MXI1: variants seen among roughly 807,000 people sequenced by gnomAD.
MXI1 encodes the protein MAX interactor 1, dimerization protein.
In MXI1, 18 loss-of-function variants were observed where a neutral mutation model predicts 36.9. That is an observed-to-expected ratio of 0.49 (90% CI 0.34 to 0.72). The LOEUF is 0.72. Ranked by LOEUF, MXI1 falls within the 30% of genes least tolerant of loss-of-function variation. The pLI, the probability that MXI1 is intolerant of heterozygous loss-of-function variation, is 0.01. For missense variants in MXI1, 304 were observed against 379.1 expected (o/e 0.80, Z 1.64); for synonymous variants, 160 against 146.7 (o/e 1.09, Z -0.65).
chr10:110,257,739 GT>G (rs1233488858), intron 3 of MXI1: 5 of 227,472 alleles, frequency 2.2e-5, no homozygotes, highest in Middle Eastern at 8.5e-4. Context: ...AGGTTTCTGG[GT>G]TCAGCTGAAG....
Position 110,285,701 on chromosome 10 carries a change from G to T in MXI1, c.*714G>T, listed in dbSNP as rs1037193269. 4 of 152,254 alleles carry T rather than the reference G, an allele frequency of 2.6e-5. No individual in the cohort carries two copies. The highest frequency in any genetic ancestry group is 9.7e-5 in the African/African-American group (4 of 41,422). 9.4% of individuals were successfully genotyped at this position (152,254 alleles called of 1,614,324 possible). Reference sequence around the variant, plus strand: ...CACCCAGCTGCCACCTCTCCATCCTGCTGCCCTTAGGCCACATGGGAGCAG... The same window carrying T: ...CACCCAGCTGCCACCTCTCCATCCTTCTGCCCTTAGGCCACATGGGAGCAG... On this transcript the variant is annotated 3_prime_UTR_variant, in exon 6 of 6. Transcript: ENST00000332674.
intron 3 of MXI1, among the ~76,000 whole-genome samples, chr10:110,246,057 C>T (rs934942098): frequency 6.6e-6 from 1 of 152,074 alleles, no homozygotes; most frequent in Admixed American, 6.5e-5. Context: ...CATGGTGGCT[C>T]ATGCTTGTAA....
intron 3 of MXI1, among the ~76,000 whole-genome samples, chr10:110,271,636 A>G (rs1856857102): frequency 6.6e-6 from 1 of 152,170 alleles, no homozygotes; most frequent in African/African-American, 2.4e-5. Context: ...TTGGTTATGG[A>G]AGAGGTTTGC....
At chr10:110,271,995 C>G (rs778776086) in intron 3 of MXI1, among the ~76,000 whole-genome samples, 1 of 152,126 alleles carries the variant, frequency 6.6e-6, no homozygotes, top group Non-Finnish European at 1.5e-5. Flanking sequence ...CTTCTTTTTC[C>G]CTCTCCAAAC....
intron 3 of MXI1, chr10:110,257,474 A>C (rs1485595289): frequency 1.3e-5 from 2 of 151,822 alleles, no homozygotes; most frequent in Non-Finnish European, 2.9e-5. Flanking sequence ...ACACCTGGCA[A>C]TTTTCTTTCT....
intron 1 of MXI1, among the ~76,000 whole-genome samples, chr10:110,210,594 C>A (rs1222668915): frequency 1.3e-5 from 2 of 152,178 alleles, no homozygotes; most frequent in African/African-American, 4.8e-5. Flanking sequence ...CCTCTGTTAT[C>A]CCCCTTGCAA....
At chr10:110,240,411 T>C (rs1420940693) in intron 2 of MXI1, among the ~76,000 whole-genome samples, 1 of 152,072 alleles carries the variant, frequency 6.6e-6, no homozygotes, top group Non-Finnish European at 1.5e-5. Context: ...GGCTTAGTTA[T>C]TGTGGTGGTA....
chr10:110,285,178 TC>T lies in MXI1; in HGVS notation c.*194del, dbSNP rs1857399113. ...ACTTAGCAAAAAGTGGGGCAGAGCC[TC>T]CCAAGGAGAACAAATATTCAGAATA... On this transcript the variant is annotated 3_prime_UTR_variant, in exon 6 of 6. Transcript: ENST00000332674. 2 of 432,552 alleles carry T rather than the reference TC, an allele frequency of 4.6e-6. No individual in the cohort carries two copies. The highest frequency in any genetic ancestry group is 4.3e-5 in the Admixed American group (1 of 23,254). 26.8% of individuals were successfully genotyped at this position (432,552 alleles called of 1,614,324 possible). A position where few individuals can be genotyped will look rare whatever the true frequency, so the allele number is the denominator to read the frequency against.
chr10:110,247,288 C>A (rs1019888735), intron 3 of MXI1, among the ~76,000 whole-genome samples: 1 of 152,000 alleles, frequency 6.6e-6, no homozygotes, highest in South Asian at 2.1e-4. Flanking sequence ...GGATATTAGC[C>A]GTTTGTCAGA....
chr10:110,208,740 G>GCCCCC (rs34161324), intron 1 of MXI1: 1 of 95,774 alleles, frequency 1.0e-5, no homozygotes, highest in African/African-American at 5.0e-5. Flanking sequence ...TGCCACCGCC[G>GCCCCC]CCCCCCCCCC....
intron 1 of MXI1, chr10:110,226,185 G>T: frequency 6.8e-7 from 1 of 1,467,428 alleles, no homozygotes; most frequent in Non-Finnish European, 9.0e-7. Flanking sequence ...AGTGCGGAGA[G>T]GCGCCGGTCG....
At chr10:110,256,603 A>C (rs1344884194) in intron 3 of MXI1, among the ~76,000 whole-genome samples, 4 of 42,464 alleles carry the variant, frequency 9.4e-5, no homozygotes, top group African/African-American at 1.2e-4. Context: ...ACTCTGTCTC[A>C]AAAAAAAAAA....
chr10:110,218,422 C>G (rs1269696680), intron 1 of MXI1, among the ~76,000 whole-genome samples: 1 of 150,772 alleles, frequency 6.6e-6, no homozygotes, highest in African/African-American at 2.5e-5. Flanking sequence ...TGCACTCCAG[C>G]CTGGGTGACA....
intron 1 of MXI1, chr10:110,226,039 T>G (rs370694535): frequency 7.1e-6 from 7 of 981,322 alleles, no homozygotes; most frequent in Middle Eastern, 5.1e-4. Context: ...CGGGCGCGGC[T>G]GGCGCGGCTG....
chr10:110,270,493 A>T (rs1446199662), intron 3 of MXI1, among the ~76,000 whole-genome samples: 1 of 151,924 alleles, frequency 6.6e-6, no homozygotes, highest in Non-Finnish European at 1.5e-5. Context: ...TTAGACATGA[A>T]TGCAGGATAA....
intron 1 of MXI1, among the ~76,000 whole-genome samples, chr10:110,211,299 C>A (rs187435117): frequency 8.2e-4 from 125 of 152,324 alleles, no homozygotes; most frequent in African/African-American, 3.0e-3. Context: ...AGCCAATCGG[C>A]AGCTCCAGCC....
intron 5 of MXI1, among the ~76,000 whole-genome samples, chr10:110,282,978 T>C (rs1165001408): frequency 2.6e-5 from 4 of 152,266 alleles, no homozygotes; most frequent in Admixed American, 6.5e-5. Context: ...GTGTTGGCCA[T>C]CATTTTACTT....
rs547429564 is a variant in MXI1, at chr10:110,256,739, G to T, written c.437+11882G>T. Among the ~76,000 whole-genome samples the T allele has an allele frequency of 1.4e-4, 22 of 151,846 alleles. No individual in the cohort carries two copies. The South Asian group carries it at 4.4e-3, about 30-fold the overall frequency. On this transcript the variant is annotated intron_variant, in intron 3 of 5. Coordinates refer to ENST00000332674, the MANE Select transcript of MXI1 (RefSeq NM_130439.3). ...GTTACTAAGATGACCATCTAGGGTT[G>T]CTCACCAACTTTGTAGTCATCCATT...
intron 3 of MXI1, among the ~76,000 whole-genome samples, chr10:110,246,304 CAG>C (rs1208748585): frequency 1.3e-5 from 2 of 151,938 alleles, no homozygotes; most frequent in African/African-American, 2.4e-5. Flanking sequence ...ACCTGTGTGA[CAG>C]AGAGTGAGAC....
Sources: allele counts gnomAD v4.1 joint callset (sites outside exome capture counted in the v4.1 genomes callset), GRCh38; gene constraint gnomAD v4.1.1; transcripts MANE v1.5; gene names NCBI Gene and HGNC (gene_info 2026-07-23, HGNC 2026-07-21).